The following LRRTM4 variants were observed in gnomAD, a reference collection of about 807,000 sequenced individuals.
The protein encoded by LRRTM4 is leucine rich repeat transmembrane neuronal 4, also known as leucine-rich repeat transmembrane neuronal protein 4.
In LRRTM4, 25 loss-of-function variants were observed where a neutral mutation model predicts 47.6. That is an observed-to-expected ratio of 0.53 (90% confidence interval 0.38 to 0.73). The LOEUF (loss-of-function observed/expected upper bound fraction) is 0.73, where lower values mean the gene tolerates loss of function less well. Among genes scored for constraint, LRRTM4 ranks in the 30% least tolerant of loss-of-function variants. The pLI is 0.00. For synonymous variants in LRRTM4, 311 were observed against 269.5 expected (o/e 1.15, Z -1.51); for missense variants, 638 against 713.4 (o/e 0.89, Z 1.20).
At chr2:77,088,434 A>C (rs1680800903) in intron 3 of LRRTM4, among the ~76,000 whole-genome samples, 1 of 152,076 alleles carries the variant, frequency 6.6e-6, no homozygotes, top group African/African-American at 2.4e-5. Context: ...TTCCTGGCTC[A>C]TCCTGGCTCA....
intron 3 of LRRTM4, among the ~76,000 whole-genome samples, chr2:77,047,742 G>A (rs774958998): frequency 6.6e-6 from 1 of 151,892 alleles, no homozygotes; most frequent in Non-Finnish European, 1.5e-5. Flanking sequence ...ACATTCTGAG[G>A]GACTGGGGAT....
chr2:77,407,561 G>A, intron 3 of LRRTM4, among the ~76,000 whole-genome samples: 1 of 143,704 alleles, frequency 7.0e-6, no homozygotes, highest in East Asian at 2.0e-4. Context: ...AAAAAGCTAT[G>A]GTAAATAGTA....
At chr2:76,837,853 G>A (rs1250401404) in intron 3 of LRRTM4, among the ~76,000 whole-genome samples, 8 of 150,876 alleles carry the variant, frequency 5.3e-5, no homozygotes, top group African/African-American at 7.3e-5. Flanking sequence ...ACCAAACACC[G>A]CACGTTCTCA....
At chr2:76,760,981 T>C (rs1209368448) in intron 3 of LRRTM4, among the ~76,000 whole-genome samples, 6 of 152,248 alleles carry the variant, frequency 3.9e-5, no homozygotes, top group Non-Finnish European at 8.8e-5. Context: ...AAAACACTTG[T>C]CTGGTCCCTA....
chr2:77,301,844 A>G (rs923614962), intron 3 of LRRTM4, among the ~76,000 whole-genome samples: 1 of 152,136 alleles, frequency 6.6e-6, no homozygotes, highest in Non-Finnish European at 1.5e-5. Context: ...GATATCACAT[A>G]TTGTATGCCT....
chr2:77,284,522 T>G, intron 3 of LRRTM4, among the ~76,000 whole-genome samples: 1 of 149,600 alleles, frequency 6.7e-6, no homozygotes, highest in East Asian at 2.0e-4. Context: ...TATCTGTGAA[T>G]CACTAAAATG....
chr2:76,882,411 G>A (rs914563962), intron 3 of LRRTM4, among the ~76,000 whole-genome samples: 3 of 151,894 alleles, frequency 2.0e-5, no homozygotes, highest in Admixed American at 1.3e-4. Context: ...TATAAAAAAG[G>A]CCAGGCACGG....
chr2:76,771,756 TA>T (rs1342989784), intron 3 of LRRTM4, among the ~76,000 whole-genome samples: 2 of 151,820 alleles, frequency 1.3e-5, no homozygotes, highest in Admixed American at 1.3e-4. Flanking sequence ...TCTCCTCACA[TA>T]CCCAAGGGAC....
chr2:77,355,574 G>A lies in LRRTM4; in HGVS notation c.1551+162744C>T, dbSNP rs1573302098. On this transcript the variant is annotated intron_variant, in intron 3 of 3. Transcript: ENST00000409884. ...TCAGGAAAAGGACAATGAAAACATG[G>A]ATTCCATTTGTTTTTCTCAGTATCA... Among the ~76,000 whole-genome samples, 6 of 152,292 alleles carry A rather than the reference G, an allele frequency of 3.9e-5. No homozygotes were observed. The South Asian group carries it at 1.2e-3, about 32-fold the overall frequency.
At chr2:76,817,046 TAAC>T (rs1277398868) in intron 3 of LRRTM4, among the ~76,000 whole-genome samples, 1 of 151,790 alleles carries the variant, frequency 6.6e-6, no homozygotes, top group Non-Finnish European at 1.5e-5. Context: ...ATTTTGATAT[TAAC>T]AACAGATGCA....
In LRRTM4 at chr2:76,931,905, T is replaced by A. The variant is rs191636282; in HGVS notation, c.1552-182989A>T. ...AATTTCAATATTATGATAGAGTGCATTAAGTTGAGAGAAAGGAGGATGGGC... is the reference window on the plus strand; with the variant it reads ...AATTTCAATATTATGATAGAGTGCAATAAGTTGAGAGAAAGGAGGATGGGC... On this transcript the variant is annotated intron_variant, in intron 3 of 3. Coordinates refer to ENST00000409884, the MANE Select transcript of LRRTM4 (RefSeq NM_001134745.3). Among the ~76,000 whole-genome samples the A allele has an allele frequency of 4.7e-3, 713 of 152,156 alleles. 8 individuals carry two copies. Among genetic ancestry groups the A allele is most frequent in the African/African-American group, 0.016 (666 of 41,496 alleles).
intron 3 of LRRTM4, among the ~76,000 whole-genome samples, chr2:77,261,330 A>G (rs1675913576): frequency 6.6e-6 from 1 of 152,122 alleles, no homozygotes; most frequent in South Asian, 2.1e-4. Context: ...TATATGCTCT[A>G]GTCAATGGGC....
In LRRTM4 at chr2:77,070,401, ACT is replaced by A. The variant is rs201378884; in HGVS notation, c.1552-321487_1552-321486del. ...TTTCTCTGCCATTTTCATGGATGTC[ACT>A]CTCTCTATATATATATTTTAAAGAT... On this transcript the variant is annotated intron_variant, in intron 3 of 3. Coordinates refer to ENST00000409884, the MANE Select transcript of LRRTM4 (RefSeq NM_001134745.3). 2.0e-5 allele frequency among the ~76,000 whole-genome samples: 3 copies of A among 152,108 alleles called. No individual in the cohort carries two copies. The South Asian group carries it at 6.2e-4, about 32-fold the overall frequency.
intron 3 of LRRTM4, among the ~76,000 whole-genome samples, chr2:77,041,908 A>G (rs1211310877): frequency 8.2e-6 from 1 of 121,278 alleles, no homozygotes; most frequent in Non-Finnish European, 1.6e-5. Context: ...TGAAAACACA[A>G]AAGACCCGGA....
intron 3 of LRRTM4, among the ~76,000 whole-genome samples, chr2:77,424,924 G>A (rs1373007973): frequency 6.6e-6 from 1 of 152,116 alleles, no homozygotes; most frequent in Non-Finnish European, 1.5e-5. Flanking sequence ...GCTCCAGGAG[G>A]TGAACTAGTA....
chr2:76,808,308 C>T (rs553654926), intron 3 of LRRTM4, among the ~76,000 whole-genome samples: 1 of 152,150 alleles, frequency 6.6e-6, no homozygotes, highest in East Asian at 1.9e-4. Context: ...CGCAGCTGGC[C>T]TATTTTCATT....
intron 3 of LRRTM4, among the ~76,000 whole-genome samples, chr2:77,062,851 G>GTGGGC (rs1252081789): frequency 6.6e-6 from 1 of 152,088 alleles, no homozygotes; most frequent in African/African-American, 2.4e-5. Context: ...GATAGTAGAA[G>GTGGGC]TAGGCCTTCA....
chr2:77,451,590 T>C (rs114926163), intron 3 of LRRTM4, among the ~76,000 whole-genome samples: 1 of 152,368 alleles, frequency 6.6e-6, no homozygotes, highest in Non-Finnish European at 1.5e-5. Flanking sequence ...GTCTACACTA[T>C]ACTTGTAATT....
intron 3 of LRRTM4, among the ~76,000 whole-genome samples, chr2:77,123,637 G>A (rs533135942): frequency 6.6e-6 from 1 of 151,778 alleles, no homozygotes; most frequent in African/African-American, 2.4e-5. Flanking sequence ...ATAAAAAGGA[G>A]GTTTTTTCTC....
Sources: allele counts gnomAD v4.1 joint callset (sites outside exome capture counted in the v4.1 genomes callset), GRCh38; gene constraint gnomAD v4.1.1; transcripts MANE v1.5; gene names NCBI Gene and HGNC (gene_info 2026-07-23, HGNC 2026-07-21).